STK33: variants seen among roughly 807,000 people sequenced by gnomAD.
STK33 encodes the protein serine/threonine-protein kinase 33.
STK33 carries 52 observed loss-of-function variants against 58.0 expected under a neutral mutation model. That is an observed-to-expected ratio of 0.90 (90% CI 0.72 to 1.13). The LOEUF (loss-of-function observed/expected upper bound fraction) is 1.13. Among genes scored for constraint, STK33 ranks in the 50% most tolerant of loss-of-function variants. STK33 has a pLI of 0.00. For synonymous variants in STK33, 215 were observed against 200.1 expected, an observed-to-expected ratio of 1.07 and a Z score of -0.63; for missense variants, 630 against 604.2, an observed-to-expected ratio of 1.04 and a Z score of -0.45.
chr11:8,443,596 T>G (rs961098785), intron 11 of STK33, among the ~76,000 whole-genome samples: 1 of 124,336 alleles, frequency 8.0e-6, no homozygotes, highest in Non-Finnish European at 1.8e-5. Flanking sequence ...GAACACCGTA[T>G]GGCAAAAAAA....
intron 1 of STK33, among the ~76,000 whole-genome samples, chr11:8,557,275 GGGAGGGGAGGGGAGGAGA>G (rs1956817706): frequency 9.6e-6 from 1 of 104,456 alleles, no homozygotes; most frequent in African/African-American, 3.5e-5. Context: ...GGGAGGGGAG[GGGAGGGGAGGGGAGGAGA>G]GAAGAGGAGA....
chr11:8,427,576 T>G (rs764082393), intron 14 of STK33, among the ~76,000 whole-genome samples: 1 of 152,064 alleles, frequency 6.6e-6, no homozygotes, highest in Non-Finnish European at 1.5e-5. Flanking sequence ...CTGAGACTCC[T>G]ATTAGATGGA....
intron 1 of STK33, among the ~76,000 whole-genome samples, chr11:8,574,793 C>T (rs1264788833): frequency 6.6e-6 from 1 of 151,976 alleles, no homozygotes; most frequent in East Asian, 1.9e-4. Flanking sequence ...AATCCCAACA[C>T]TTTGGGGTGC....
At chr11:8,371,908 C>T in the STK33 span, among the ~76,000 whole-genome samples, 1 of 140,164 alleles carries the variant, frequency 7.1e-6, no homozygotes, top group South Asian at 2.5e-4. Context: ...TTTTTTGAGA[C>T]TGGGTCTCAC....
At chr11:8,534,190 G>A (rs976497063) in intron 1 of STK33, among the ~76,000 whole-genome samples, 12 of 151,818 alleles carry the variant, frequency 7.9e-5, no homozygotes, top group Admixed American at 6.6e-4. Context: ...CAGGAGAATC[G>A]CTTGAACCCG....
chr11:8,523,476 C>T (rs1257943962), intron 1 of STK33, among the ~76,000 whole-genome samples: 4 of 151,448 alleles, frequency 2.6e-5, no homozygotes, highest in Middle Eastern at 3.5e-3. Context: ...CCCCTCCACC[C>T]GGCGGCCGCC....
At chr11:8,410,296 T>A (rs1487741894) in intron 15 of STK33, among the ~76,000 whole-genome samples, 1 of 152,122 alleles carries the variant, frequency 6.6e-6, no homozygotes, top group Non-Finnish European at 1.5e-5. Context: ...ACACATACCA[T>A]TTATCAAAAT....
chr11:8,557,679 C>T (rs1297567310), intron 1 of STK33, among the ~76,000 whole-genome samples: 1 of 151,618 alleles, frequency 6.6e-6, no homozygotes, highest in Non-Finnish European at 1.5e-5. Context: ...ATGTTAGAAC[C>T]TCAAAAAGGA....
chr11:8,444,398 T>C (rs564545812), intron 11 of STK33, among the ~76,000 whole-genome samples: 1 of 152,214 alleles, frequency 6.6e-6, no homozygotes, highest in African/African-American at 2.4e-5. Flanking sequence ...AAATCTTGTT[T>C]AATGTTTGTG....
the STK33 span, among the ~76,000 whole-genome samples, chr11:8,366,420 CG>C: frequency 3.3e-5 from 5 of 152,222 alleles, no homozygotes; most frequent in African/African-American, 1.2e-4. Context: ...CGGTTAGAGC[CG>C]GAGGGAAAGG....
At chr11:8,425,968 G>C (rs187929699) in intron 14 of STK33, among the ~76,000 whole-genome samples, 140 of 152,246 alleles carry the variant, frequency 9.2e-4, no homozygotes, top group African/African-American at 3.3e-3. Flanking sequence ...TGAAGCCCCA[G>C]TGGGTGTGTG....
At position 8,579,725 on chromosome 11, in the gene STK33, T is replaced by C. The variant is rs535731640; in HGVS notation, c.-466+14358A>G. Among the ~76,000 whole-genome samples the C allele has an allele frequency of 1.1e-4, 16 of 152,240 alleles. No homozygotes were observed. The South Asian group carries it at 3.1e-3, about 30-fold the overall frequency. ...ACAAGGAAGTCATCAAGTATGCTAC[T>C]TTCCCTCACCTAAAAGGCTCTTACT... On this transcript the variant is annotated intron_variant, in intron 1 of 15. Coordinates refer to ENST00000687296, the MANE Select transcript of STK33 (RefSeq NM_001352389.2).
the STK33 span, among the ~76,000 whole-genome samples, chr11:8,335,277 T>C: frequency 6.6e-6 from 1 of 152,172 alleles, no homozygotes; most frequent in African/African-American, 2.4e-5. Context: ...CTACCTGTTC[T>C]GTTAACAGGA....
chr11:8,541,777 T>G (rs1955538841), intron 1 of STK33, among the ~76,000 whole-genome samples: 2 of 152,298 alleles, frequency 1.3e-5, no homozygotes, highest in African/African-American at 4.8e-5. Context: ...GAGCAAAATA[T>G]CTGAAAAATT....
the STK33 span, among the ~76,000 whole-genome samples, chr11:8,354,857 G>A: frequency 3.3e-5 from 5 of 152,216 alleles, no homozygotes; most frequent in South Asian, 4.1e-4. Flanking sequence ...CGGCCCCTCC[G>A]CGGCTGAAGC....
chr11:8,414,683 G>A (rs989587154), intron 14 of STK33, among the ~76,000 whole-genome samples: 3 of 152,130 alleles, frequency 2.0e-5, no homozygotes, highest in Non-Finnish European at 2.9e-5. Context: ...ATAACTAAAT[G>A]AGGATCACTA....
intron 7 of STK33, among the ~76,000 whole-genome samples, chr11:8,462,791 T>C (rs1183366604): frequency 6.6e-6 from 1 of 152,062 alleles, no homozygotes; most frequent in Non-Finnish European, 1.5e-5. Flanking sequence ...ATCTCAGAAA[T>C]TCTAGAAGGG....
intron 12 of STK33, 123 bp downstream of exon 12, chr11:8,440,555 T>C (rs1944607495): frequency 1.4e-6 from 1 of 725,090 alleles, no homozygotes; most frequent in Non-Finnish European, 2.1e-6. Flanking sequence ...TTTAGAATGA[T>C]CTCCCAATTG....
At chr11:8,481,909 A>G (rs140775737) in intron 1 of STK33, among the ~76,000 whole-genome samples, 1 of 152,350 alleles carries the variant, frequency 6.6e-6, no homozygotes, top group East Asian at 1.9e-4. Context: ...AATAAACATT[A>G]TTATTAATAT....
Sources: allele counts gnomAD v4.1 joint callset (sites outside exome capture counted in the v4.1 genomes callset), GRCh38; gene constraint gnomAD v4.1.1; transcripts MANE v1.5; gene names NCBI Gene and HGNC (gene_info 2026-07-23, HGNC 2026-07-21).